The following GCNT3 variants were observed in gnomAD, a reference collection of about 807,000 sequenced individuals.
GCNT3 encodes the protein glucosaminyl (N-acetyl) transferase 3, mucin type.
For missense variants in GCNT3, 708 were observed against 530.3 expected (o/e 1.34, Z -3.29); for synonymous variants, 269 against 195.2 (o/e 1.38, Z -3.15).
chr15:59,619,341 G>T lies in GCNT3; in HGVS notation c.1103G>T (p.Gly368Val). 1 of 1,614,116 alleles carries T rather than the reference G, an allele frequency of 6.2e-7. No individual in the cohort carries two copies. The change falls in exon 3 of 3, where the codon GGT becomes GTT. Residue 368 changes from glycine (G) to valine (V), a missense_variant. By Grantham distance (109) the Gly-to-Val change is moderately radical. Transcript: ENST00000396065. The stretch of plus-strand genomic sequence containing the variant: ...ATTGCCAGGCTGGTCAAGTGGCAGG[G>T]TCATGAGGGAGACATCGATAAGGGT... ...TSIARLVKWQ[G>V]HEGDIDKGAP...
Position 59,619,132 on chromosome 15 carries a change from C to T in GCNT3, c.894C>T (p.Tyr298=), listed in dbSNP as rs553074492. The stretch of plus-strand genomic sequence containing the variant: ...TAACTATGTTTACAGGGAATGCGTA[C>T]ATTGTGGCTTCCCGAGATTTCGTCC... ...YNLTMFTGNA[Y]IVASRDFVQH... Residue 298 remains tyrosine (Y), a synonymous_variant, in exon 3 of 3, where the codon TAC becomes TAT. Transcript: ENST00000396065. 9.3e-6 allele frequency: 15 copies of T among 1,614,124 alleles called. No homozygotes were observed. In the South Asian group the frequency reaches 1.2e-4, roughly 13 times the overall value.
At chr15:59,614,052 A>G (rs1374138293) in intron 1 of GCNT3, among the ~76,000 whole-genome samples, 2 of 152,112 alleles carry the variant, frequency 1.3e-5, no homozygotes, top group African/African-American at 4.8e-5. Context: ...TCAACTATTC[A>G]AGGTGTTGTC....
rs1295284590 is a variant in GCNT3, at chr15:59,618,348, C to T, written c.110C>T (p.Ser37Phe). 6.2e-7 allele frequency: 1 copy of T among 1,613,896 alleles called. No homozygotes were observed. The highest frequency in any genetic ancestry group is 8.5e-7 in the Non-Finnish European group (1 of 1,179,812). Residue 37 changes from serine (S) to phenylalanine (F), a missense_variant, in exon 3 of 3, where the codon TCT becomes TTT. Physicochemically the swap from Ser to Phe is radical, Grantham distance 155. Transcript: ENST00000396065. ...LKLSFRLKCD[S>F]DHLGLESRES... ...CTTTCTTTCAGGTTGAAGTGTGACT[C>T]TGACCACTTGGGTCTGGAGTCCAGG...
At position 59,619,539 on chromosome 15, in the gene GCNT3, A is replaced by G. The variant is rs1220699159; in HGVS notation, c.1301A>G (p.Tyr434Cys). ...LEEYLRYKAI[Y>C]GTEL ...GAATACCTACGTTATAAGGCCATCT[A>G]TGGGACTGAACTTTGAGACACACTA... is the stretch of plus-strand genomic sequence containing the variant. The change falls in exon 3 of 3, where the codon TAT becomes TGT. Residue 434 changes from tyrosine (Y) to cysteine (C), a missense_variant. Physicochemically the swap from Tyr to Cys is radical, Grantham distance 194. Coordinates refer to ENST00000396065, the MANE Select transcript of GCNT3 (RefSeq NM_004751.3). 5 of 1,592,640 alleles carry G rather than the reference A, an allele frequency of 3.1e-6. No homozygotes were observed. The South Asian group carries it at 4.5e-5, about 14-fold the overall frequency.
intron 2 of GCNT3, 53 bp from the exon 3 acceptor site, chr15:59,618,126 G>C (rs775764003): frequency 3.1e-6 from 2 of 654,764 alleles, no homozygotes; most frequent in Non-Finnish European, 5.3e-6. Flanking sequence ...AATTGAACTT[G>C]ATGTTTCTGG....
At chr15:59,613,146 T>C (rs796354013) in intron 1 of GCNT3, among the ~76,000 whole-genome samples, 7 of 152,160 alleles carry the variant, frequency 4.6e-5, no homozygotes, top group African/African-American at 1.7e-4. Context: ...AGAAAACAAA[T>C]ATTAGCATTA....
chr15:59,612,613 G>T (rs1481478819), intron 1 of GCNT3, among the ~76,000 whole-genome samples: 1 of 152,118 alleles, frequency 6.6e-6, no homozygotes, highest in Non-Finnish European at 1.5e-5. Flanking sequence ...AATGTGCCCG[G>T]GATCCCAGGC....
In GCNT3 at chr15:59,616,683, A is replaced by G. The variant is rs1436680440; in HGVS notation, c.-250-9A>G. ...GTGATGGAGCCACCTGCTGCCCTCT[A>G]CTTTGCAGATATTAAAGAGGAGCCT... On this transcript the variant is annotated splice_polypyrimidine_tract_variant and intron_variant, in intron 1 of 2. Transcript: ENST00000396065. 2.6e-5 allele frequency: 4 copies of G among 152,192 alleles called. No homozygotes were observed. Among genetic ancestry groups the G allele is most frequent in the East Asian group, 3.8e-4 (2 of 5,200 alleles). The allele number at this position is 152,192 out of a possible 1,614,324, so 9.4% of individuals were successfully genotyped here.
At position 59,622,314 on chromosome 15, in the gene GCNT3, A is replaced by C. The variant is rs76671314; in HGVS notation, c.*2759A>C. 1 of 150 alleles carries C rather than the reference A, an allele frequency of 6.7e-3. No individual in the cohort carries two copies. Among genetic ancestry groups the C allele is most frequent in the Admixed American group, 0.25 (1 of 4 alleles). The allele number at this position is 150 out of a possible 1,614,324, so 0.0% of individuals were successfully genotyped here. A position where few individuals can be genotyped will look rare whatever the true frequency, so the allele number is the denominator to read the frequency against. On this transcript the variant is annotated 3_prime_UTR_variant, in exon 3 of 3. Transcript: ENST00000396065. Reference sequence around the variant, plus strand: ...GGCGATAGAGCCAGACTGAGTCTCAAAAAAAAAAAAAAAGTTACCTTTTTT... The same window carrying C: ...GGCGATAGAGCCAGACTGAGTCTCACAAAAAAAAAAAAAGTTACCTTTTTT...
Position 59,619,029 on chromosome 15 carries a change from G to A in GCNT3, c.791G>A (p.Arg264His), listed in dbSNP as rs750733868. 1.7e-5 allele frequency: 27 copies of A among 1,614,004 alleles called. No homozygotes were observed. Among genetic ancestry groups the A allele is most frequent in the African/African-American group, 1.2e-4 (9 of 74,902 alleles). Residue 264 changes from arginine (R) to histidine (H), a missense_variant, in exon 3 of 3, where the codon CGC (arginine) becomes CAC (histidine). By Grantham distance (29) the Arg-to-His change is conservative. Transcript: ENST00000396065. ...GTACCTCCTAAGCACAAAGAAACCC[G>A]CTGGAAATATCACTTTGAGGTAGTG... ...SEVPPKHKET[R>H]WKYHFEVVRD...
chr15:59,618,742 C>T lies in GCNT3; in HGVS notation c.504C>T (p.Ser168=). The part of the protein sequence containing the change: ...NIYCVHVDEK[S]PETFKEAVKA... The stretch of plus-strand genomic sequence containing the variant: ...ACTGTGTCCATGTGGATGAGAAGTC[C>T]CCAGAAACTTTCAAAGAGGCGGTCA... Residue 168 remains serine, a synonymous_variant, in exon 3 of 3, where the codon TCC becomes TCT. Transcript: ENST00000396065. 2.5e-6 allele frequency: 4 copies of T among 1,614,052 alleles called. No homozygotes were observed. Among genetic ancestry groups the T allele is most frequent in the Non-Finnish European group, 3.4e-6 (4 of 1,180,004 alleles).
chr15:59,613,083 C>T (rs1447342347), intron 1 of GCNT3, among the ~76,000 whole-genome samples: 4 of 152,040 alleles, frequency 2.6e-5, no homozygotes, highest in African/African-American at 7.2e-5. Flanking sequence ...AAGTACCAGG[C>T]TATATTTGCC....
chr15:59,614,206 T>C (rs757724558), intron 1 of GCNT3, among the ~76,000 whole-genome samples: 25 of 152,122 alleles, frequency 1.6e-4, no homozygotes, highest in Non-Finnish European at 3.4e-4. Flanking sequence ...CCATAATCAT[T>C]CTTGTCCCAG....
rs756750252 is a variant in GCNT3, at chr15:59,619,478, C to T, written c.1240C>T (p.Pro414Ser). The T allele has an allele frequency of 5.0e-6, 8 of 1,613,830 alleles. No individual in the cohort carries two copies. The highest frequency in any genetic ancestry group is 6.8e-6 in the Non-Finnish European group (8 of 1,179,934). ...NHHLLANKFD[P>S]KVDDNALQCL... Reference sequence around the variant, plus strand: ...TCACCTGTTGGCCAACAAGTTTGACCCAAAGGTAGATGATAATGCTCTTCA... The same window carrying T: ...TCACCTGTTGGCCAACAAGTTTGACTCAAAGGTAGATGATAATGCTCTTCA... Residue 414 changes from proline (P) to serine (S), a missense_variant, in exon 3 of 3, where the codon CCA (proline) becomes TCA (serine). Coordinates refer to ENST00000396065, the MANE Select transcript of GCNT3 (RefSeq NM_004751.3).
chr15:59,617,032 A>G (rs1368721807), intron 2 of GCNT3, among the ~76,000 whole-genome samples, 151 bp downstream of exon 2: 1 of 152,154 alleles, frequency 6.6e-6, no homozygotes, highest in Non-Finnish European at 1.5e-5. Context: ...CCCTCTCCTT[A>G]TAGGGATTAT....
Position 59,618,231 on chromosome 15 carries a change from C to G in GCNT3, c.-8C>G. ...GCTCGGTCTCCACCTGTCTCCCATTCTGTGACGATGGTTCAATGGAAGAGA... is the reference window on the plus strand; with the variant it reads ...GCTCGGTCTCCACCTGTCTCCCATTGTGTGACGATGGTTCAATGGAAGAGA... On this transcript the variant is annotated 5_prime_UTR_variant, in exon 3 of 3. Coordinates refer to ENST00000396065, the MANE Select transcript of GCNT3 (RefSeq NM_004751.3). The G allele has an allele frequency of 6.6e-7, 1 of 1,508,360 alleles. No homozygotes were observed. The highest frequency in any genetic ancestry group is 9.0e-7 in the Non-Finnish European group (1 of 1,108,966). 93.4% of individuals were successfully genotyped at this position (1,508,360 alleles called of 1,614,324 possible). A position where few individuals can be genotyped will look rare whatever the true frequency, so the allele number is the denominator to read the frequency against.
chr15:59,617,731 C>G (rs2082726257), intron 2 of GCNT3, among the ~76,000 whole-genome samples: 1 of 152,062 alleles, frequency 6.6e-6, no homozygotes, highest in East Asian at 1.9e-4. Flanking sequence ...AAAATAGAAG[C>G]AAGAAATGTT....
At chr15:59,613,434 C>T (rs955552286) in intron 1 of GCNT3, among the ~76,000 whole-genome samples, 2 of 151,866 alleles carry the variant, frequency 1.3e-5, no homozygotes, top group African/African-American at 4.8e-5. Flanking sequence ...GGCATGGTGG[C>T]TCATACCTGT....
Position 59,619,555 on chromosome 15 carries a change from A to C in GCNT3, c.1317A>C (p.Ter439CysextTer4), listed in dbSNP as rs372465170. Residue 439 changes from the stop codon to cysteine (C), a stop_lost, in exon 3 of 3, where the codon TGA becomes TGC. Transcript: ENST00000396065. The stretch of plus-strand genomic sequence containing the variant: ...AGGCCATCTATGGGACTGAACTTTG[A>C]GACACACTATGAGAGCGTTGCTACC... ...RYKAIYGTEL[*>C] is the part of the protein sequence containing the mutation. 4.5e-6 allele frequency: 7 copies of C among 1,553,904 alleles called. No individual in the cohort carries two copies. In the African/African-American group the frequency reaches 9.5e-5, roughly 21 times the overall value.
Sources: gnomAD v4.1 joint callset for allele counts (sites outside exome capture counted in the v4.1 genomes callset) on GRCh38, gnomAD v4.1.1 for gene constraint, MANE v1.5 for transcripts, NCBI Gene and HGNC (gene_info 2026-07-23, HGNC 2026-07-21) for gene names.